FAM149A: variants seen among roughly 807,000 people sequenced by gnomAD.
FAM149A encodes the protein family with sequence similarity 149 member A, also known as protein FAM149A.
Under a neutral mutation model 78.2 loss-of-function variants are expected in FAM149A, and 71 were observed. That is an observed-to-expected ratio of 0.91 (90% CI 0.75 to 1.11). The LOEUF (loss-of-function observed/expected upper bound fraction) is 1.11, where lower values mean the gene tolerates loss of function less well. Ranked by LOEUF, FAM149A falls within the 50% of genes least tolerant of loss-of-function variation. The pLI, the probability that FAM149A is intolerant of heterozygous loss-of-function variation, is 0.00. For synonymous variants in FAM149A, 446 were observed against 410.5 expected (o/e 1.09, Z -1.04); for missense variants, 1,036 against 971.0 (o/e 1.07, Z -0.89).
intron 13 of FAM149A, among the ~76,000 whole-genome samples, chr4:186,170,625 C>T (rs963413049): frequency 2.0e-5 from 3 of 152,156 alleles, no homozygotes; most frequent in African/African-American, 4.8e-5. Flanking sequence ...GCTCTAAGCC[C>T]GCAGAGCAGG....
rs1201915082 is a variant in FAM149A, at chr4:186,164,001, T to G, written c.1889+368T>G. ...TAATGTATATAAAATGCTATAAAAA[T>G]AAAAGGACTGTGTCCCTATCGGATT... On this transcript the variant is annotated intron_variant, in intron 10 of 13. Transcript: ENST00000389354. The surrounding 1 kb of genome is among the most constrained non-coding windows in gnomAD (Gnocchi z 4.0). 6.6e-6 allele frequency among the ~76,000 whole-genome samples: 1 copy of G among 152,170 alleles called. No individual in the cohort carries two copies. Among genetic ancestry groups the G allele is most frequent in the African/African-American group, 2.4e-5 (1 of 41,424 alleles).
chr4:186,107,820 A>G (rs2150074851), intron 1 of FAM149A: 1 of 152,396 alleles, frequency 6.6e-6, no homozygotes, highest in African/African-American at 2.4e-5. Flanking sequence ...CTGCAGCAGC[A>G]GGTAGAGGCA....
chr4:186,156,013 C>G lies in FAM149A; in HGVS notation c.1243C>G (p.Leu415Val), dbSNP rs746222066. The change falls in exon 7 of 14, where the codon CTT (leucine) becomes GTT (valine). Residue 415 changes from leucine (L) to valine (V), a missense_variant. Leu to Val is a conservative substitution (Grantham distance 32). This residue lies in a region of FAM149A where 716 missense variants were observed against 711.8 expected (regional missense o/e 1.01). Transcript: ENST00000389354. ...TTTTATTCTTAGTGATGATGAATGT[C>G]TTGAACAAAAACCAGCTCAGCCCGG... The G allele has an allele frequency of 1.2e-6, 2 of 1,612,150 alleles. No homozygotes were observed. Among genetic ancestry groups the G allele is most frequent in the South Asian group, 2.2e-5 (2 of 90,418 alleles).
intron 1 of FAM149A, chr4:186,131,746 G>A (rs1237131272): frequency 4.9e-6 from 1 of 205,428 alleles, no homozygotes; most frequent in Non-Finnish European, 8.6e-6. Context: ...TTCTAGGAGA[G>A]GACATAGATG....
chr4:186,126,696 C>G (rs1715064), intron 1 of FAM149A, among the ~76,000 whole-genome samples: 31,546 of 152,034 alleles, frequency 0.21, 4,115 homozygotes, highest in Non-Finnish European at 0.27. Flanking sequence ...CCCTGGTTCT[C>G]AGATCTTCAC....
At chr4:186,112,153 A>T (rs1282291036) in intron 1 of FAM149A, among the ~76,000 whole-genome samples, 1 of 144,276 alleles carries the variant, frequency 6.9e-6, no homozygotes, top group Non-Finnish European at 1.5e-5. Flanking sequence ...ATTCTCTTTG[A>T]AGCAATTGTG....
chr4:186,108,031 C>T (rs2150075031), intron 1 of FAM149A, among the ~76,000 whole-genome samples: 1 of 152,294 alleles, frequency 6.6e-6, no homozygotes, highest in South Asian at 2.1e-4. Flanking sequence ...ATTCTTTTTC[C>T]CTCCTGGATT....
At chr4:186,158,764 A>G in intron 8 of FAM149A, 1 of 1,041,444 alleles carries the variant, frequency 9.6e-7, no homozygotes, top group Non-Finnish European at 1.2e-6. Context: ...AGACTGGAGC[A>G]CTCAGCCTGC....
intron 1 of FAM149A, among the ~76,000 whole-genome samples, chr4:186,124,484 G>A (rs4456996): frequency 0.49 from 72,677 of 147,460 alleles, 17,932 homozygotes; most frequent in Admixed American, 0.53. Flanking sequence ...TCATTGTTCA[G>A]TTCCCACCTA....
chr4:186,132,504 T>G (rs534866398), intron 1 of FAM149A, among the ~76,000 whole-genome samples: 4 of 152,306 alleles, frequency 2.6e-5, no homozygotes, highest in African/African-American at 9.6e-5. Flanking sequence ...CTCAACCGAT[T>G]TAGAAATTTT....
chr4:186,117,971 C>A, intron 1 of FAM149A: 1 of 985,282 alleles, frequency 1.0e-6, no homozygotes, highest in Non-Finnish European at 1.2e-6. Flanking sequence ...TAAAGGGGGA[C>A]CACAGAAGAT....
intron 13 of FAM149A, among the ~76,000 whole-genome samples, chr4:186,167,820 G>A (rs1267995720): frequency 6.6e-6 from 1 of 152,142 alleles, no homozygotes; most frequent in African/African-American, 2.4e-5. Flanking sequence ...GTGGCCTCTG[G>A]AGTCTGACGT....
intron 1 of FAM149A, among the ~76,000 whole-genome samples, chr4:186,136,973 TCTTTCTCTCTCTCTC>T (rs2099323284): frequency 2.9e-5 from 2 of 68,664 alleles, no homozygotes; most frequent in South Asian, 1.3e-3. Flanking sequence ...TTTCTCTCTC[TCTTTCTCTCTCTCTC>T]TCTCTCTCTC....
At chr4:186,167,134 A>G (rs1385254124) in intron 12 of FAM149A, 38 bp downstream of exon 12, 2 of 1,601,738 alleles carry the variant, frequency 1.2e-6, no homozygotes, top group Non-Finnish European at 1.7e-6. Context: ...ATTTTGAAAA[A>G]CATTTGAAAA....
intron 1 of FAM149A, among the ~76,000 whole-genome samples, chr4:186,108,413 TAAA>T (rs113979356): frequency 3.6e-5 from 5 of 140,684 alleles, no homozygotes; most frequent in African/African-American, 1.3e-4. Flanking sequence ...TACTTGGCTT[TAAA>T]AAAAAAAAAC....
At chr4:186,129,163 GTGTA>G (rs2099319578) in intron 1 of FAM149A, among the ~76,000 whole-genome samples, 1 of 140,546 alleles carries the variant, frequency 7.1e-6, no homozygotes, top group Non-Finnish European at 1.6e-5. Flanking sequence ...CTGTGCATGT[GTGTA>G]TGTGTCTCTG....
At chr4:186,150,558 C>G (rs28404914) in intron 3 of FAM149A, among the ~76,000 whole-genome samples, 1 of 108,584 alleles carries the variant, frequency 9.2e-6, no homozygotes, top group Admixed American at 9.8e-5. Context: ...TAGCTGGGAC[C>G]ACAGGCGCCC....
Position 186,144,694 on chromosome 4 carries a change from G to T in FAM149A, c.567-4479G>T. On this transcript the variant is annotated intron_variant, in intron 1 of 13. Transcript: ENST00000389354. This position sits in a 1 kb window ranked among gnomAD's most constrained non-coding sequence, Gnocchi z 4.2. ...TGGAAACCCGGCCCGGCAGGGAGCGGGGAAGGCGCGCTTTCCCGGAGGTCG... is the reference window on the plus strand; with the variant it reads ...TGGAAACCCGGCCCGGCAGGGAGCGTGGAAGGCGCGCTTTCCCGGAGGTCG... The T allele has an allele frequency of 1.8e-6, 1 of 567,170 alleles. No individual in the cohort carries two copies. The highest frequency in any genetic ancestry group is 2.2e-6 in the Non-Finnish European group (1 of 447,366). 35.1% of individuals were successfully genotyped at this position (567,170 alleles called of 1,614,324 possible).
chr4:186,162,701 A>G lies in FAM149A; in HGVS notation c.1576-144A>G, dbSNP rs1734699896. ...GTCTCAGCCCACATCTTTATAAAAT[A>G]TATCCCCTTTATTAGTTTTTCCTCC... On this transcript the variant is annotated intron_variant, in intron 8 of 13. Coordinates refer to ENST00000389354, the MANE Select transcript of FAM149A (RefSeq NM_001367768.3). 36 of 606,634 alleles carry G rather than the reference A, an allele frequency of 5.9e-5. No homozygotes were observed. The South Asian group carries it at 7.5e-4, about 13-fold the overall frequency. 37.6% of individuals were successfully genotyped at this position (606,634 alleles called of 1,614,324 possible).
Sources: allele counts gnomAD v4.1 joint callset (sites outside exome capture counted in the v4.1 genomes callset), GRCh38; gene constraint gnomAD v4.1.1; regional missense constraint gnomAD v4.1.1; non-coding constraint Gnocchi (gnomAD v3.1); transcripts MANE v1.5; gene names NCBI Gene and HGNC (gene_info 2026-07-23, HGNC 2026-07-21).